POLDIP3: variants seen among roughly 807,000 people sequenced by gnomAD.
The protein encoded by POLDIP3 is DNA polymerase delta interacting protein 3.
POLDIP3 carries 14 observed loss-of-function variants against 45.1 expected under a neutral mutation model. That is an observed-to-expected ratio of 0.31 (90% CI 0.20 to 0.49). The LOEUF (loss-of-function observed/expected upper bound fraction) is 0.49. Ranked by LOEUF, POLDIP3 falls within the 20% of genes least tolerant of loss-of-function variation. The pLI is 0.99. For missense variants in POLDIP3, 511 were observed against 538.8 expected (o/e 0.95, Z 0.51); for synonymous variants, 223 against 205.2 (o/e 1.09, Z -0.74).
At chr22:42,591,172 G>GA (rs1925647430) in intron 7 of POLDIP3, among the ~76,000 whole-genome samples, 1 of 151,242 alleles carries the variant, frequency 6.6e-6, no homozygotes, top group Non-Finnish European at 1.5e-5. Context: ...CAAAAAATAA[G>GA]AAAAAACAAA....
intron 6 of POLDIP3, among the ~76,000 whole-genome samples, chr22:42,593,929 G>A (rs73173085): frequency 0.017 from 2,603 of 152,272 alleles, 38 homozygotes; most frequent in Non-Finnish European, 0.023. Context: ...AAGGAGATAC[G>A]AGTGACCCAT....
chr22:42,599,655 G>A (rs781256549), intron 4 of POLDIP3, 43 bp downstream of exon 4: 1 of 1,412,438 alleles, frequency 7.1e-7, no homozygotes, highest in East Asian at 2.3e-5. Context: ...TCTCCCACCT[G>A]CCTGATCAGA....
At chr22:42,607,518 C>T (rs541397451) in intron 1 of POLDIP3, among the ~76,000 whole-genome samples, 1 of 152,364 alleles carries the variant, frequency 6.6e-6, no homozygotes, top group South Asian at 2.1e-4. Context: ...GCAGCCTCTG[C>T]CCGGCTGCCA....
chr22:42,596,779 G>A (rs1401934542), intron 4 of POLDIP3, among the ~76,000 whole-genome samples: 1 of 152,162 alleles, frequency 6.6e-6, no homozygotes, highest in African/African-American at 2.4e-5. Flanking sequence ...AGCACTTTGG[G>A]AGGCTGAGGT....
At chr22:42,613,974 T>A (rs538727848) in intron 1 of POLDIP3, among the ~76,000 whole-genome samples, 2 of 152,232 alleles carry the variant, frequency 1.3e-5, no homozygotes, top group South Asian at 4.1e-4. Context: ...CTAGGGGAAG[T>A]TTGGGAGACA....
intron 1 of POLDIP3, among the ~76,000 whole-genome samples, chr22:42,612,172 C>T (rs1038143379): frequency 1.3e-5 from 2 of 152,216 alleles, no homozygotes; most frequent in Non-Finnish European, 2.9e-5. Context: ...TACTCCTTTA[C>T]TTTAAGAAGC....
chr22:42,586,012 C>T lies in POLDIP3; in HGVS notation c.1089-44G>A, dbSNP rs142005069. The T allele has an allele frequency of 6.8e-4, 1,034 of 1,530,560 alleles. 1 individual carries two copies. In the African/African-American group the frequency reaches 0.013, roughly 19 times the overall value. The allele number at this position is 1,530,560 out of a possible 1,614,324, so 94.8% of individuals were successfully genotyped here. The stretch of plus-strand genomic sequence containing the variant: ...AGTCAAAAATTCTTGTCAGTTTTTC[C>T]TTAGATGGGGAGGGGACCCACCATT... On this transcript the variant is annotated intron_variant, in intron 8 of 8. Coordinates refer to ENST00000252115, the MANE Select transcript of POLDIP3 (RefSeq NM_032311.5).
chr22:42,596,072 A>T, intron 5 of POLDIP3, 114 bp downstream of exon 5: 1 of 1,198,128 alleles, frequency 8.3e-7, no homozygotes, highest in Non-Finnish European at 1.2e-6. Flanking sequence ...GCTCATCTGT[A>T]GAATGGGGGT....
chr22:42,605,205 G>A (rs764224928), intron 1 of POLDIP3, among the ~76,000 whole-genome samples: 19 of 152,196 alleles, frequency 1.2e-4, no homozygotes, highest in Non-Finnish European at 2.1e-4. Flanking sequence ...TTGGCTCACC[G>A]CAAGCTCCGC....
At chr22:42,595,433 G>T in intron 6 of POLDIP3, 104 bp downstream of exon 6, 1 of 989,890 alleles carries the variant, frequency 1.0e-6, no homozygotes, top group Non-Finnish European at 1.6e-6. Context: ...TATATGCTGA[G>T]TCTGGTGAGT....
At chr22:42,587,309 A>G (rs1925372044) in intron 8 of POLDIP3, among the ~76,000 whole-genome samples, 197 bp downstream of exon 8, 1 of 152,230 alleles carries the variant, frequency 6.6e-6, no homozygotes, top group Non-Finnish European at 1.5e-5. Context: ...GCTAGTCCCT[A>G]TAGGGTCAAG....
intron 5 of POLDIP3, 125 bp from the exon 6 acceptor site, chr22:42,595,739 G>T (rs1925944923): frequency 1.2e-6 from 1 of 816,728 alleles, no homozygotes; most frequent in Admixed American, 2.0e-5. Flanking sequence ...TACCACAAAT[G>T]GGCCCCCTGA....
intron 6 of POLDIP3, among the ~76,000 whole-genome samples, chr22:42,593,573 A>AATG (rs1319821499): frequency 2.0e-5 from 3 of 152,176 alleles, no homozygotes; most frequent in African/African-American, 7.2e-5. Flanking sequence ...GCTGGAGTGC[A>AATG]ATGGCGTGAC....
chr22:42,610,542 G>T (rs1439917597), intron 1 of POLDIP3, among the ~76,000 whole-genome samples: 1 of 152,162 alleles, frequency 6.6e-6, no homozygotes, highest in Non-Finnish European at 1.5e-5. Context: ...ATCCGCTGAG[G>T]GTTAAACTCA....
rs1925256916 is a variant in POLDIP3 at position 42,585,622 on chromosome 22, A to C, written c.*169T>G. On this transcript the variant is annotated 3_prime_UTR_variant, in exon 9 of 9. Transcript: ENST00000252115. ...ACGTAGAGAGAAGAGCACAGGGCAG[A>C]ACACAACACAGAAAGGCGGGTCCCA... 3 of 742,988 alleles carry C rather than the reference A, an allele frequency of 4.0e-6. No homozygotes were observed. Among genetic ancestry groups the C allele is most frequent in the Admixed American group, 5.0e-5 (2 of 39,604 alleles). The allele number at this position is 742,988 out of a possible 1,614,324, so 46.0% of individuals were successfully genotyped here. A position where few individuals can be genotyped will look rare whatever the true frequency, so the allele number is the denominator to read the frequency against.
At position 42,596,266 on chromosome 22, in the gene POLDIP3, T is replaced by C. The variant is rs1336429519; in HGVS notation, c.733A>G (p.Ile245Val). The change falls in exon 5 of 9, where the codon ATT becomes GTT. Residue 245 changes from isoleucine to valine, a missense_variant. Physicochemically the swap from Ile to Val is conservative, Grantham distance 29. This residue lies in a region of POLDIP3 where 378 missense variants were observed against 352.3 expected (regional missense o/e 1.07). Transcript: ENST00000252115. The stretch of plus-strand genomic sequence containing the variant: ...ATGTTGGTCAAGGCTTTTGTTCGAA[T>C]AGAGGAAGGGAGAGCAGGAGCTGTG... ...AYTAPALPSSIRTKALTNMSR... is the reference protein window; with the variant it reads ...AYTAPALPSSVRTKALTNMSR... The C allele has an allele frequency of 1.2e-6, 2 of 1,613,956 alleles. No homozygotes were observed. Among genetic ancestry groups the C allele is most frequent in the African/African-American group, 1.3e-5 (1 of 74,898 alleles).
At chr22:42,592,823 G>T (rs1241305815) in intron 6 of POLDIP3, among the ~76,000 whole-genome samples, 3 of 152,202 alleles carry the variant, frequency 2.0e-5, no homozygotes, top group African/African-American at 7.2e-5. Flanking sequence ...ACTAAGGCCA[G>T]AGAGGGAGCA....
intron 6 of POLDIP3, 110 bp from the exon 7 acceptor site, chr22:42,592,194 TGCGCCTGAGAC>T: frequency 6.6e-7 from 1 of 1,505,902 alleles, no homozygotes. Context: ...AAATGCGCCC[TGCGCCTGAGAC>T]TGCGGGGAGG....
At chr22:42,614,342 G>C (rs1022131806) in intron 1 of POLDIP3, among the ~76,000 whole-genome samples, 4 of 152,238 alleles carry the variant, frequency 2.6e-5, no homozygotes, top group African/African-American at 4.8e-5. Flanking sequence ...GGGGGATTTG[G>C]GCTTGCGCCT....
Sources: allele counts gnomAD v4.1 joint callset (sites outside exome capture counted in the v4.1 genomes callset), GRCh38; gene constraint gnomAD v4.1.1; regional missense constraint gnomAD v4.1.1; transcripts MANE v1.5; gene names NCBI Gene and HGNC (gene_info 2026-07-23, HGNC 2026-07-21).